Variants in HDAC9 observed in about 807,000 individuals in gnomAD.
The protein encoded by HDAC9 is histone deacetylase 9.
Under a neutral mutation model 139.4 loss-of-function variants are expected in HDAC9, and 41 were observed. The ratio of observed to expected loss-of-function variants is 0.29; its 90% CI spans 0.23 to 0.38. HDAC9 has a LOEUF of 0.38. Ranked by LOEUF, HDAC9 falls within the 10% of genes least tolerant of loss-of-function variation. The pLI is 1.00. For missense variants in HDAC9, 1,147 were observed against 1,297.0 expected (o/e 0.88, Z 1.78); for synonymous variants, 517 against 476.2 (o/e 1.09, Z -1.12).
chr7:18,514,358 A>T (rs1041475361), intron 2 of HDAC9, among the ~76,000 whole-genome samples: 2 of 152,230 alleles, frequency 1.3e-5, no homozygotes, highest in African/African-American at 4.8e-5. Context: ...TTTATCAGAA[A>T]TATAAAGTTG....
At chr7:18,442,327 A>G (rs534261254) in intron 1 of HDAC9, among the ~76,000 whole-genome samples, 22 of 152,248 alleles carry the variant, frequency 1.4e-4, no homozygotes, top group Non-Finnish European at 2.5e-4. Context: ...TACAAGATAC[A>G]TTATTTTGTT....
intron 21 of HDAC9, among the ~76,000 whole-genome samples, chr7:18,843,865 T>A (rs2129217710): frequency 6.6e-6 from 1 of 152,296 alleles, no homozygotes; most frequent in African/African-American, 2.4e-5. Context: ...AATTTACATA[T>A]TGACTTTCCC....
chr7:18,241,394 T>C (rs773158317), intron 2 of HDAC9, among the ~76,000 whole-genome samples: 42 of 152,116 alleles, frequency 2.8e-4, no homozygotes, highest in Non-Finnish European at 5.3e-4. Flanking sequence ...TCTCTTTCCA[T>C]TATTGGGAGC....
At chr7:18,662,080 C>T (rs967774984) in intron 11 of HDAC9, among the ~76,000 whole-genome samples, 4 of 152,072 alleles carry the variant, frequency 2.6e-5, no homozygotes, top group Admixed American at 2.0e-4. Context: ...CCTTAACTTG[C>T]TAACGATGGG....
intron 17 of HDAC9, among the ~76,000 whole-genome samples, chr7:18,804,412 C>T (rs537127418): frequency 1.9e-4 from 29 of 152,166 alleles, no homozygotes; most frequent in East Asian, 9.6e-4. Flanking sequence ...TTCATACACA[C>T]GTATGCATAC....
At chr7:18,922,952 A>C (rs969380666) in intron 22 of HDAC9, among the ~76,000 whole-genome samples, 2 of 152,084 alleles carry the variant, frequency 1.3e-5, no homozygotes, top group African/African-American at 4.8e-5. Flanking sequence ...TCCTAAGAGA[A>C]GTAATGTCTC....
intron 17 of HDAC9, among the ~76,000 whole-genome samples, chr7:18,795,158 A>G (rs1039599882): frequency 2.0e-5 from 3 of 151,762 alleles, no homozygotes; most frequent in Admixed American, 2.0e-4. Context: ...AGCTGTAGTA[A>G]CATCAGGTAT....
In HDAC9 at chr7:18,271,172, G is replaced by A. The variant is rs563510349; in HGVS notation, c.25+108823G>A. ...TCATGGTAATGCTTTCTTGTAGAAC[G>A]TGTAATTGGGGAAGAAAACATAGAT... On this transcript the variant is annotated intron_variant, in intron 2 of 12. Coordinates refer to the HDAC9 transcript ENST00000417496. Among the ~76,000 whole-genome samples the A allele has an allele frequency of 2.6e-5, 4 of 152,230 alleles. No individual in the cohort carries two copies. In the East Asian group the frequency reaches 7.7e-4, roughly 29 times the overall value.
chr7:18,450,014 A>G (rs1792668905), intron 1 of HDAC9, among the ~76,000 whole-genome samples: 1 of 152,204 alleles, frequency 6.6e-6, no homozygotes, highest in Non-Finnish European at 1.5e-5. Context: ...AGGTGTTAAC[A>G]AATGAAACAA....
intron 1 of HDAC9, among the ~76,000 whole-genome samples, chr7:18,399,033 G>A (rs1176455456): frequency 6.6e-6 from 1 of 152,130 alleles, no homozygotes; most frequent in Non-Finnish European, 1.5e-5. Context: ...TTTTAATAAA[G>A]CTGCCTATGG....
intron 2 of HDAC9, among the ~76,000 whole-genome samples, chr7:18,225,121 A>G (rs762445721): frequency 1.8e-4 from 27 of 152,186 alleles, no homozygotes; most frequent in Non-Finnish European, 2.6e-4. Flanking sequence ...TCAGTAGTAC[A>G]TTTTGAAGAT....
chr7:18,408,797 G>A (rs1300136551), intron 1 of HDAC9, among the ~76,000 whole-genome samples: 3 of 152,110 alleles, frequency 2.0e-5, no homozygotes, highest in Non-Finnish European at 2.9e-5. Flanking sequence ...TTACATAAGA[G>A]CAAACAGTCC....
chr7:18,137,509 C>T (rs2128106792), intron 1 of HDAC9, among the ~76,000 whole-genome samples: 1 of 152,088 alleles, frequency 6.6e-6, no homozygotes, highest in Admixed American at 6.5e-5. Context: ...GAGATTTTAG[C>T]ATGAAGGGTT....
intron 12 of HDAC9, among the ~76,000 whole-genome samples, chr7:18,695,356 C>G (rs1782969050): frequency 6.6e-6 from 1 of 152,178 alleles, no homozygotes. Flanking sequence ...GTTTCCCTAT[C>G]TTTCCTACGA....
intron 2 of HDAC9, among the ~76,000 whole-genome samples, chr7:18,174,382 G>A (rs933084259): frequency 3.3e-5 from 5 of 152,054 alleles, no homozygotes; most frequent in Middle Eastern, 3.2e-3. Flanking sequence ...GCTTCCTTGC[G>A]ATGGGTTCGA....
chr7:18,209,236 G>T (rs1447751630), intron 2 of HDAC9, among the ~76,000 whole-genome samples: 1 of 152,128 alleles, frequency 6.6e-6, no homozygotes, highest in Non-Finnish European at 1.5e-5. Flanking sequence ...TATGCCAAGA[G>T]ATTTTTCATA....
At position 18,855,949 on chromosome 7, in the gene HDAC9, T is replaced by G. The variant is rs146085758; in HGVS notation, c.2685-18529T>G. On this transcript the variant is annotated intron_variant, in intron 21 of 25. Transcript: ENST00000686413. ...AAATAATTGTAAGCATTACAGCCTT[T>G]TACTCTAATGACCTTGACTCTGCAC... Among the ~76,000 whole-genome samples the G allele has an allele frequency of 5.6e-3, 853 of 152,240 alleles. 5 individuals are homozygous for G. The highest frequency in any genetic ancestry group is 0.019 in the African/African-American group (806 of 41,558).
intron 2 of HDAC9, among the ~76,000 whole-genome samples, chr7:18,168,879 GTTTTTTTTTT>G (rs112502543): frequency 1.2e-5 from 1 of 80,878 alleles, no homozygotes; most frequent in Non-Finnish European, 2.5e-5. Flanking sequence ...CAAATGTCTT[GTTTTTTTTTT>G]TTTTTTTTTG....
chr7:18,170,846 T>C (rs182749830), intron 2 of HDAC9, among the ~76,000 whole-genome samples: 9 of 152,346 alleles, frequency 5.9e-5, no homozygotes, highest in Admixed American at 4.6e-4. Context: ...TTGGTTACTG[T>C]TGGCTTGTAG....
Sources: gnomAD v4.1 joint callset for allele counts (sites outside exome capture counted in the v4.1 genomes callset) on GRCh38, gnomAD v4.1.1 for gene constraint, MANE v1.5 for transcripts, NCBI Gene and HGNC (gene_info 2026-07-23, HGNC 2026-07-21) for gene names.